KCNK9: variants seen among roughly 807,000 people sequenced by gnomAD.
KCNK9 encodes potassium channel subfamily K member 9.
KCNK9 carries 1 observed loss-of-function variant against 10.8 expected under a neutral mutation model. The ratio of observed to expected loss-of-function variants is 0.09; its 90% CI spans 0.03 to 0.44. The LOEUF is 0.44. KCNK9 is among the 20% of genes least tolerant of loss of function. The pLI is 0.97. For missense variants in KCNK9, 303 were observed against 515.0 expected (o/e 0.59, Z 3.98); for synonymous variants, 231 against 222.7 (o/e 1.04, Z -0.33).
At position 139,606,460 on chromosome 8, in the gene KCNK9, T is replaced by C. The variant is rs932604275; in HGVS notation, c.*1-4859A>G. Reference sequence around the variant, plus strand: ...CATACCCCAGATGGATGCACGAGGGTCCATATCCCCACACCCCACCCTCCC... The same window carrying C: ...CATACCCCAGATGGATGCACGAGGGCCCATATCCCCACACCCCACCCTCCC... On this transcript the variant is annotated intron_variant, in intron 2 of 2. Transcript: ENST00000650269. 2.0e-5 allele frequency among the ~76,000 whole-genome samples: 3 copies of C among 151,802 alleles called. No individual in the cohort carries two copies. The East Asian group carries it at 5.8e-4, about 29-fold the overall frequency.
chr8:139,610,024 G>C (rs1026828549), downstream of KCNK9, among the ~76,000 whole-genome samples: 37 of 150,152 alleles, frequency 2.5e-4, no homozygotes, highest in African/African-American at 9.1e-4. Flanking sequence ...ATGTTCCCTA[G>C]ACTTGACTTC....
intron 2 of KCNK9, among the ~76,000 whole-genome samples, chr8:139,605,412 G>C (rs1817463780): frequency 6.6e-6 from 1 of 152,176 alleles, no homozygotes; most frequent in Non-Finnish European, 1.5e-5. Context: ...GGATAGTTTT[G>C]TATTTTAAGG....
intron 1 of KCNK9, among the ~76,000 whole-genome samples, chr8:139,657,559 C>G (rs1816051828): frequency 6.6e-6 from 1 of 152,044 alleles, no homozygotes; most frequent in South Asian, 2.1e-4. Context: ...CTAAAACCCC[C>G]CAGAGCCAAA....
chr8:139,613,572 C>T (rs1230556152), downstream of KCNK9, among the ~76,000 whole-genome samples: 16 of 152,170 alleles, frequency 1.1e-4, no homozygotes, highest in Non-Finnish European at 2.4e-4. Flanking sequence ...TTCAAGTGTG[C>T]CCAGGGATCA....
At chr8:139,603,147 G>A (rs1463694612) in intron 2 of KCNK9, among the ~76,000 whole-genome samples, 1 of 152,186 alleles carries the variant, frequency 6.6e-6, no homozygotes, top group African/African-American at 2.4e-5. Context: ...AGTATTTTAA[G>A]TGACCATTAT....
intron 1 of KCNK9, among the ~76,000 whole-genome samples, chr8:139,633,458 C>G (rs2542420): frequency 0.45 from 68,526 of 151,978 alleles, 16,106 homozygotes; most frequent in African/African-American, 0.52. Context: ...TCAGCCAAGT[C>G]CCTTGCCCAA....
At chr8:139,659,176 C>T (rs540727837) in intron 1 of KCNK9, among the ~76,000 whole-genome samples, 9 of 152,340 alleles carry the variant, frequency 5.9e-5, no homozygotes, top group South Asian at 2.1e-4. Context: ...TGCGTGGATA[C>T]GACCCTGACT....
At chr8:139,645,030 T>C (rs983766201) in intron 1 of KCNK9, among the ~76,000 whole-genome samples, 2 of 152,210 alleles carry the variant, frequency 1.3e-5, no homozygotes, top group Admixed American at 1.3e-4. Context: ...CCTAGGCTGG[T>C]GTCAGACCCA....
Position 139,679,221 on chromosome 8 carries a change from G to A in KCNK9, c.283+23489C>T, listed in dbSNP as rs76788945. ...TGACAGCCTATGGAAGTGATGCCAG[G>A]TGGGTTCCCGGAGAGCGCCTGTGTC... On this transcript the variant is annotated intron_variant, in intron 1 of 1. Transcript: ENST00000520439. Among the ~76,000 whole-genome samples the A allele has an allele frequency of 1.7e-3, 264 of 152,322 alleles. 1 individual carries two copies. The East Asian group carries it at 0.025, about 15-fold the overall frequency.
At chr8:139,653,034 C>T (rs1815914953) in intron 1 of KCNK9, among the ~76,000 whole-genome samples, 1 of 152,194 alleles carries the variant, frequency 6.6e-6, no homozygotes, top group African/African-American at 2.4e-5. Context: ...TAGGGGCCCC[C>T]CTTCTGCCCC....
intron 2 of KCNK9, among the ~76,000 whole-genome samples, chr8:139,604,062 G>A (rs1044599236): frequency 9.9e-5 from 15 of 152,174 alleles, no homozygotes; most frequent in African/African-American, 3.1e-4. Context: ...CTCCTTCAGG[G>A]CCAGTGCAGG....
At chr8:139,624,477 T>C (rs910993873) in intron 1 of KCNK9, among the ~76,000 whole-genome samples, 1 of 152,110 alleles carries the variant, frequency 6.6e-6, no homozygotes, top group Non-Finnish European at 1.5e-5. Context: ...GGCTGGCCCC[T>C]GCATCACTCA....
At chr8:139,638,593 G>A (rs902853418) in intron 1 of KCNK9, among the ~76,000 whole-genome samples, 1 of 152,196 alleles carries the variant, frequency 6.6e-6, no homozygotes, top group Non-Finnish European at 1.5e-5. Flanking sequence ...AGGGAGCTTC[G>A]CTGGGTCCCT....
rs527311277 is a variant in KCNK9 at position 139,658,234 on chromosome 8, A to C, written c.284-39135T>G. 5.3e-5 allele frequency among the ~76,000 whole-genome samples: 8 copies of C among 152,304 alleles called. No individual in the cohort carries two copies. In the East Asian group the frequency reaches 1.5e-3, roughly 29 times the overall value. On this transcript the variant is annotated intron_variant, in intron 1 of 1. Coordinates refer to ENST00000520439, the MANE Select transcript of KCNK9 (RefSeq NM_001282534.2). Reference sequence around the variant, plus strand: ...CAGCTATTACCACCCACAGGCCTGAAGGGCTGAGAGGAGCCCAGTGAGCAC... The same window carrying C: ...CAGCTATTACCACCCACAGGCCTGACGGGCTGAGAGGAGCCCAGTGAGCAC...
At chr8:139,668,339 A>T (rs934714049) in intron 1 of KCNK9, among the ~76,000 whole-genome samples, 17 of 152,088 alleles carry the variant, frequency 1.1e-4, no homozygotes, top group East Asian at 7.7e-4. Flanking sequence ...AATAAAAATT[A>T]AAAAAAATTA....
At chr8:139,660,449 A>AAAATAT (rs56898839) in intron 1 of KCNK9, among the ~76,000 whole-genome samples, 20 of 131,192 alleles carry the variant, frequency 1.5e-4, no homozygotes, top group African/African-American at 4.9e-4. Flanking sequence ...GCTAAAAAAA[A>AAAATAT]ATATATATAT....
chr8:139,618,746 C>T lies in KCNK9; in HGVS notation c.637G>A (p.Ala213Thr), dbSNP rs762082844. ...ACGTAGAGCGGCTTCTTCTGCAGGG[C>T]ACCCTTGGTCTGCAGGGCCACGTAG... ...GDYVALQTKG[A>T]LQKKPLYVAF... Residue 213 changes from alanine (A) to threonine (T), a missense_variant, in exon 2 of 2, where the codon GCC (alanine) becomes ACC (threonine). Around this residue, in one of 5 missense-constraint regions of KCNK9, gnomAD observed 53 missense variants for 134.9 expected, o/e 0.39. Transcript: ENST00000520439. The surrounding 1 kb of genome is among the most constrained non-coding windows in gnomAD (Gnocchi z 7.9). 2 of 1,614,170 alleles carry T rather than the reference C, an allele frequency of 1.2e-6. No individual in the cohort carries two copies. Among genetic ancestry groups the T allele is most frequent in the Admixed American group, 1.7e-5 (1 of 60,030 alleles).
At chr8:139,619,628 C>A (rs1814716732) in intron 1 of KCNK9, among the ~76,000 whole-genome samples, 1 of 152,260 alleles carries the variant, frequency 6.6e-6, no homozygotes, top group Non-Finnish European at 1.5e-5. Flanking sequence ...CATACATCAC[C>A]TAATTCTAGC....
At chr8:139,652,213 C>CCCAATGCTT (rs1815888167) in intron 1 of KCNK9, among the ~76,000 whole-genome samples, 1 of 152,162 alleles carries the variant, frequency 6.6e-6, no homozygotes, top group South Asian at 2.1e-4. Context: ...AACACCCACC[C>CCCAATGCTT]CCAATGCTTC....
Sources: gnomAD v4.1 joint callset for allele counts (sites outside exome capture counted in the v4.1 genomes callset) on GRCh38, gnomAD v4.1.1 for gene constraint, gnomAD v4.1.1 regional missense constraint, Gnocchi (gnomAD v3.1) non-coding constraint, MANE v1.5 for transcripts, NCBI Gene and HGNC (gene_info 2026-07-23, HGNC 2026-07-21) for gene names.